The following CATSPERE variants were observed in gnomAD, a reference collection of about 807,000 sequenced individuals.
The protein encoded by CATSPERE is catsper channel auxiliary subunit epsilon.
A neutral mutation model predicts 114.1 loss-of-function variants in CATSPERE; 93 were observed. The observed-to-expected ratio is 0.81, with a 90% CI of 0.69 to 0.97. The LOEUF (loss-of-function observed/expected upper bound fraction) is 0.97. Ranked by LOEUF, CATSPERE falls within the 50% of genes least tolerant of loss-of-function variation. The pLI, the probability that CATSPERE is intolerant of heterozygous loss-of-function variation, is 0.00. For synonymous variants in CATSPERE, 341 were observed against 384.1 expected, an observed-to-expected ratio of 0.89 and a Z score of 1.31; for missense variants, 1,058 against 1,131.6, an observed-to-expected ratio of 0.93 and a Z score of 0.93.
At chr1:244,502,995 C>CGGGCA (rs920664082) in intron 7 of CATSPERE, among the ~76,000 whole-genome samples, 1 of 152,084 alleles carries the variant, frequency 6.6e-6, no homozygotes, top group African/African-American at 2.4e-5. Context: ...TAGGTTTCCA[C>CGGGCA]GGGCAGCCAA....
At chr1:244,498,912 AT>A (rs1168031327) in intron 6 of CATSPERE, 89 bp from the exon 7 acceptor site, 1 of 987,020 alleles carries the variant, frequency 1.0e-6, no homozygotes, top group African/African-American at 1.7e-5. Context: ...AAATAAAAAA[AT>A]AAAAACATGT....
At chr1:244,452,159 C>G (rs1199228791), upstream of CATSPERE, 1 of 196,278 alleles carries the variant, frequency 5.1e-6, no homozygotes, top group Non-Finnish European at 1.0e-5. Context: ...CGGAAAAGGT[C>G]AGGGGCGGGG....
Position 244,461,399 on chromosome 1 carries a change from G to T in CATSPERE, c.-31G>T. The stretch of plus-strand genomic sequence containing the variant: ...GCGCGAGGCCTGGACGGGAGTGGCC[G>T]AGGCGGTTGGGCGGAGGCGGAGCAG... On this transcript the variant is annotated 5_prime_UTR_variant, in exon 1 of 22. It introduces an in-frame stop codon into an upstream open reading frame of the 5' UTR. Coordinates refer to ENST00000366534, the MANE Select transcript of CATSPERE (RefSeq NM_001130957.2). 7.4e-7 allele frequency: 1 copy of T among 1,347,880 alleles called. No homozygotes were observed. Among genetic ancestry groups the T allele is most frequent in the Non-Finnish European group, 9.6e-7 (1 of 1,042,488 alleles). The allele number at this position is 1,347,880 out of a possible 1,614,324, so 83.5% of individuals were successfully genotyped here.
rs763437521 is a variant in CATSPERE, at chr1:244,575,029, A to ATC, written c.1950+2268_1950+2269dup. 3.1e-5 allele frequency among the ~76,000 whole-genome samples: 4 copies of ATC among 129,826 alleles called. No homozygotes were observed. The highest frequency in any genetic ancestry group is 8.6e-5 in the African/African-American group (3 of 34,688). 85.2% of individuals were successfully genotyped at this position (129,826 alleles called of 152,430 possible). A position where few individuals can be genotyped will look rare whatever the true frequency, so the allele number is the denominator to read the frequency against. On this transcript the variant is annotated intron_variant, in intron 11 of 21. Coordinates refer to ENST00000366534, the MANE Select transcript of CATSPERE (RefSeq NM_001130957.2). The surrounding 1 kb of genome is among the most constrained non-coding windows in gnomAD (Gnocchi z 4.5). ...TCTCGCTCACTTATTCTCTCCCTCT[A>ATC]TCTCTCTCTCTCATTTGCGCTGTCT...
chr1:244,520,973 G>A (rs1677443766), intron 8 of CATSPERE, among the ~76,000 whole-genome samples: 1 of 152,116 alleles, frequency 6.6e-6, no homozygotes, highest in Admixed American at 6.6e-5. Context: ...CTGAAATTCA[G>A]GCAAGAGCTA....
At chr1:244,622,200 G>A (rs1672482865) in intron 20 of CATSPERE, among the ~76,000 whole-genome samples, 1 of 152,036 alleles carries the variant, frequency 6.6e-6, no homozygotes, top group South Asian at 2.1e-4. Context: ...AGGGGAAATG[G>A]GAGAAAGAAA....
chr1:244,558,634 A>C (rs1012667425), intron 9 of CATSPERE, among the ~76,000 whole-genome samples: 3 of 152,144 alleles, frequency 2.0e-5, no homozygotes, highest in Non-Finnish European at 4.4e-5. Flanking sequence ...TGGGAGAGCT[A>C]TCTCTGCTTT....
At chr1:244,636,481 G>A (rs1674643616) in intron 21 of CATSPERE, 1 of 152,204 alleles carries the variant, frequency 6.6e-6, no homozygotes, top group Non-Finnish European at 1.5e-5. Context: ...TGGGAAACAT[G>A]CAGAACCTTT....
chr1:244,552,844 ATATATT>A (rs775470125), intron 9 of CATSPERE, 30 bp downstream of exon 9: 3 of 1,081,062 alleles, frequency 2.8e-6, no homozygotes, highest in South Asian at 8.0e-5. Flanking sequence ...TATTTTATAA[ATATATT>A]TATATTTTAC....
intron 8 of CATSPERE, among the ~76,000 whole-genome samples, chr1:244,552,042 C>T (rs968512962): frequency 9.4e-5 from 10 of 106,838 alleles, no homozygotes; most frequent in Admixed American, 3.1e-4. Flanking sequence ...CCAGCCTGGG[C>T]GACAGAGAGA....
At chr1:244,553,529 C>T (rs1233432742) in intron 9 of CATSPERE, among the ~76,000 whole-genome samples, 10 of 142,778 alleles carry the variant, frequency 7.0e-5, no homozygotes, top group Admixed American at 6.6e-4. Flanking sequence ...TGCAGTGAGC[C>T]GAGATCGTGC....
At chr1:244,552,035 G>A (rs1353612527) in intron 8 of CATSPERE, among the ~76,000 whole-genome samples, 1 of 120,672 alleles carries the variant, frequency 8.3e-6, no homozygotes, top group Non-Finnish European at 1.6e-5. Flanking sequence ...CTGCACTCCA[G>A]CCTGGGCGAC....
At chr1:244,474,154 C>A (rs752972033) in intron 2 of CATSPERE, among the ~76,000 whole-genome samples, 3 of 152,076 alleles carry the variant, frequency 2.0e-5, no homozygotes, top group Non-Finnish European at 4.4e-5. Flanking sequence ...GCCTGAGCCT[C>A]CTGAGTAGCT....
At chr1:244,514,254 C>T (rs553809165) in intron 7 of CATSPERE, among the ~76,000 whole-genome samples, 1 of 152,180 alleles carries the variant, frequency 6.6e-6, no homozygotes, top group South Asian at 2.1e-4. Flanking sequence ...TTGATAATGC[C>T]CAACAACTTG....
chr1:244,531,998 C>T (rs1162917662), intron 8 of CATSPERE, among the ~76,000 whole-genome samples: 1 of 152,122 alleles, frequency 6.6e-6, no homozygotes, highest in Non-Finnish European at 1.5e-5. Flanking sequence ...TGGCTTCAAT[C>T]TCATTACCTG....
chr1:244,471,269 A>G (rs529978633), intron 2 of CATSPERE, among the ~76,000 whole-genome samples: 1 of 152,358 alleles, frequency 6.6e-6, no homozygotes, highest in Admixed American at 6.5e-5. Flanking sequence ...CAGTATTCAA[A>G]TGACCAGTTG....
rs1304776394 is a variant in CATSPERE, at chr1:244,504,467, A to C, written c.429+5388A>C. Reference sequence around the variant, plus strand: ...GTTACATTATTATTAATAGAAGTCCATATTTTATTCACATTTCCTCAGCTA... The same window carrying C: ...GTTACATTATTATTAATAGAAGTCCCTATTTTATTCACATTTCCTCAGCTA... On this transcript the variant is annotated intron_variant, in intron 7 of 21. Coordinates refer to ENST00000366534, the MANE Select transcript of CATSPERE (RefSeq NM_001130957.2). The surrounding 1 kb of genome is among the most constrained non-coding windows in gnomAD (Gnocchi z 4.1). Among the ~76,000 whole-genome samples, 1 of 152,212 alleles carries C rather than the reference A, an allele frequency of 6.6e-6. No homozygotes were observed. The highest frequency in any genetic ancestry group is 1.5e-5 in the Non-Finnish European group (1 of 68,038).
upstream of CATSPERE, among the ~76,000 whole-genome samples, chr1:244,461,053 C>A (rs1276850240): frequency 6.6e-6 from 1 of 152,184 alleles, no homozygotes; most frequent in Non-Finnish European, 1.5e-5. Flanking sequence ...TTAAAAGTTT[C>A]ACATTCTTTC....
In CATSPERE at chr1:244,600,370, A is replaced by AG. The variant is rs1430139914; in HGVS notation, c.2304-5325_2304-5324insG. ...AGCTACCTAGTCCAAAAAAAAAAAA[A>AG]AAGAGAGAGAGAGAGACTAGAAAAC... is the stretch of plus-strand genomic sequence containing the variant. On this transcript the variant is annotated intron_variant, in intron 17 of 21. Coordinates refer to ENST00000366534, the MANE Select transcript of CATSPERE (RefSeq NM_001130957.2). Among the ~76,000 whole-genome samples, 9 of 118,542 alleles carry AG rather than the reference A, an allele frequency of 7.6e-5. No individual in the cohort carries two copies. In the South Asian group the frequency reaches 1.2e-3, roughly 16 times the overall value. The allele number at this position is 118,542 out of a possible 152,430, so 77.8% of individuals were successfully genotyped here. A position where few individuals can be genotyped will look rare whatever the true frequency, so the allele number is the denominator to read the frequency against.
Sources: gnomAD v4.1 joint callset for allele counts (sites outside exome capture counted in the v4.1 genomes callset) on GRCh38, gnomAD v4.1.1 for gene constraint, Gnocchi (gnomAD v3.1) non-coding constraint, MANE v1.5 for transcripts, NCBI Gene and HGNC (gene_info 2026-07-23, HGNC 2026-07-21) for gene names.